PACRG: variants seen among roughly 807,000 people sequenced by gnomAD.
PACRG encodes parkin coregulated.
PACRG carries 29 observed loss-of-function variants against 29.7 expected under a neutral mutation model. The observed-to-expected ratio is 0.98, with a 90% CI of 0.73 to 1.33. PACRG has a LOEUF of 1.33. PACRG is among the 40% of genes most tolerant of loss of function. PACRG has a pLI of 0.00. For missense variants in PACRG, 279 were observed against 316.2 expected, an observed-to-expected ratio of 0.88 and a Z score of 0.89; for synonymous variants, 116 against 118.7, an observed-to-expected ratio of 0.98 and a Z score of 0.15.
chr6:163,037,258 A>T (rs1808288908), intron 2 of PACRG, among the ~76,000 whole-genome samples: 2 of 152,108 alleles, frequency 1.3e-5, no homozygotes, highest in East Asian at 3.9e-4. Context: ...AGTTGACATC[A>T]CCTGGGTGTC....
chr6:163,110,677 A>C (rs931005721), intron 4 of PACRG, among the ~76,000 whole-genome samples: 1 of 152,180 alleles, frequency 6.6e-6, no homozygotes, highest in African/African-American at 2.4e-5. Flanking sequence ...TTCACATTGC[A>C]CACCTTCACC....
At chr6:163,172,182 A>C (rs1779119935) in intron 4 of PACRG, among the ~76,000 whole-genome samples, 1 of 152,210 alleles carries the variant, frequency 6.6e-6, no homozygotes, top group Non-Finnish European at 1.5e-5. Flanking sequence ...ATATACTTAA[A>C]ACCTGCAAAT....
intron 2 of PACRG, among the ~76,000 whole-genome samples, chr6:162,935,575 A>T (rs1798177598): frequency 6.6e-6 from 1 of 151,404 alleles, no homozygotes; most frequent in African/African-American, 2.4e-5. Context: ...TTTCTTTTTT[A>T]AAATTTCTCA....
chr6:163,151,579 T>C (rs1778094266), intron 4 of PACRG, among the ~76,000 whole-genome samples: 1 of 152,228 alleles, frequency 6.6e-6, no homozygotes, highest in Admixed American at 6.5e-5. Context: ...TTTTATTATT[T>C]GTCCTCGATA....
intron 4 of PACRG, among the ~76,000 whole-genome samples, chr6:163,209,522 G>A (rs6922426): frequency 0.023 from 3,438 of 152,284 alleles, 107 homozygotes; most frequent in African/African-American, 0.073. Flanking sequence ...AATATTGACA[G>A]GTTATGCTAC....
intron 4 of PACRG, among the ~76,000 whole-genome samples, chr6:163,309,352 C>G (rs975536132): frequency 1.3e-5 from 2 of 152,238 alleles, no homozygotes; most frequent in African/African-American, 4.8e-5. Flanking sequence ...GAGAGTCAGT[C>G]TGCCTGAGTC....
At chr6:163,304,085 T>C (rs1785107103) in intron 4 of PACRG, among the ~76,000 whole-genome samples, 1 of 151,872 alleles carries the variant, frequency 6.6e-6, no homozygotes. Flanking sequence ...AAGTTTTTTT[T>C]CTTCTCAAAT....
chr6:163,121,496 A>G (rs1416939339), intron 4 of PACRG, among the ~76,000 whole-genome samples: 4 of 152,004 alleles, frequency 2.6e-5, no homozygotes, highest in African/African-American at 7.2e-5. Flanking sequence ...CACTCTTACA[A>G]CTGTCACTTC....
chr6:163,219,106 C>T (rs1316838802), intron 4 of PACRG, among the ~76,000 whole-genome samples: 2 of 152,206 alleles, frequency 1.3e-5, no homozygotes, highest in African/African-American at 4.8e-5. Flanking sequence ...AACCACCCCT[C>T]TAATTTGTAT....
At chr6:163,057,718 A>G (rs1291835411) in intron 2 of PACRG, among the ~76,000 whole-genome samples, 1 of 152,250 alleles carries the variant, frequency 6.6e-6, no homozygotes, top group Non-Finnish European at 1.5e-5. Context: ...GAGCCAAGCC[A>G]AGGATTCACC....
At chr6:163,095,357 G>A in intron 4 of PACRG, 6 of 985,386 alleles carry the variant, frequency 6.1e-6, no homozygotes, top group Non-Finnish European at 7.2e-6. Flanking sequence ...CGCCTGCCCG[G>A]AGGGAAGGAT....
chr6:162,736,871 G>C (rs1780206514), intron 1 of PACRG, among the ~76,000 whole-genome samples: 1 of 152,054 alleles, frequency 6.6e-6, no homozygotes, highest in East Asian at 1.9e-4. Flanking sequence ...GTTGTTGAAA[G>C]CTCATAAGCA....
intron 4 of PACRG, among the ~76,000 whole-genome samples, chr6:163,198,121 C>G (rs1340360656): frequency 1.3e-5 from 2 of 152,206 alleles, no homozygotes; most frequent in African/African-American, 4.8e-5. Context: ...CACATACTTT[C>G]CTTTTTCAAG....
intron 4 of PACRG, among the ~76,000 whole-genome samples, chr6:163,243,288 C>A (rs1782570929): frequency 6.6e-6 from 1 of 152,220 alleles, no homozygotes; most frequent in Non-Finnish European, 1.5e-5. Context: ...ACTGTGAGGA[C>A]AGAAGTTCCA....
chr6:162,814,076 A>G (rs1273400946), intron 1 of PACRG, 71 bp from the exon 2 acceptor site: 6 of 1,454,768 alleles, frequency 4.1e-6, no homozygotes, highest in African/African-American at 2.9e-5. Context: ...TTAAAAACAG[A>G]AAGTTCTTTT....
chr6:163,104,967 A>G lies in PACRG; in HGVS notation c.613+15559A>G, dbSNP rs138658363. On this transcript the variant is annotated intron_variant, in intron 4 of 4. Transcript: ENST00000366888. ...ACAAGTACTCTTATACTATTTATGA[A>G]GTAATTCAAAATAAGGCACTAATCT... Among the ~76,000 whole-genome samples, 682 of 152,306 alleles carry G rather than the reference A, an allele frequency of 4.5e-3. 9 individuals carry two copies. Among genetic ancestry groups the G allele is most frequent in the African/African-American group, 0.015 (643 of 41,584 alleles).
chr6:162,818,315 CATCTT>C (rs1338059988), intron 2 of PACRG, among the ~76,000 whole-genome samples: 1 of 152,170 alleles, frequency 6.6e-6, no homozygotes, highest in Non-Finnish European at 1.5e-5. Flanking sequence ...TGAGTTTTCT[CATCTT>C]AAATTGCCAT....
intron 4 of PACRG, among the ~76,000 whole-genome samples, chr6:163,186,677 C>T (rs1030990415): frequency 2.0e-5 from 3 of 152,224 alleles, no homozygotes; most frequent in African/African-American, 4.8e-5. Context: ...TCTCTCACTC[C>T]TGCCGGACCA....
At chr6:163,108,062 G>T (rs569766268) in intron 4 of PACRG, among the ~76,000 whole-genome samples, 1 of 152,208 alleles carries the variant, frequency 6.6e-6, no homozygotes, top group African/African-American at 2.4e-5. Flanking sequence ...GGCTGAAGCC[G>T]TCTGATGTGG....
Sources: allele counts gnomAD v4.1 joint callset (sites outside exome capture counted in the v4.1 genomes callset), GRCh38; gene constraint gnomAD v4.1.1; transcripts MANE v1.5; gene names NCBI Gene and HGNC (gene_info 2026-07-23, HGNC 2026-07-21).